The following EYS variants were observed in gnomAD, a reference collection of about 807,000 sequenced individuals.
The protein encoded by EYS is protein eyes shut homolog.
In EYS, 250 loss-of-function variants were observed where a neutral mutation model predicts 282.1. The ratio of observed to expected loss-of-function variants is 0.89; its 90% CI spans 0.80 to 0.98. EYS has a LOEUF of 0.98. Ranked by LOEUF, EYS falls within the 50% of genes least tolerant of loss-of-function variation. The pLI, the probability that EYS is intolerant of heterozygous loss-of-function variation, is 0.00. For missense variants in EYS, 4,016 were observed against 3,709.0 expected, an observed-to-expected ratio of 1.08 and a Z score of -2.15; for synonymous variants, 1,355 against 1,282.9, an observed-to-expected ratio of 1.06 and a Z score of -1.20.
intron 28 of EYS, among the ~76,000 whole-genome samples, chr6:64,432,860 T>A (rs1774618195): frequency 6.6e-6 from 1 of 152,064 alleles, no homozygotes; most frequent in South Asian, 2.1e-4. Flanking sequence ...TTTGTCCCAT[T>A]TTGACTGTCC....
chr6:64,626,005 A>G lies in EYS; in HGVS notation c.3568+116T>C, dbSNP rs575688214. The G allele has an allele frequency of 1.3e-5, 8 of 592,852 alleles. No individual in the cohort carries two copies. In the South Asian group the frequency reaches 2.2e-4, roughly 17 times the overall value. 36.7% of individuals were successfully genotyped at this position (592,852 alleles called of 1,614,324 possible). A position where few individuals can be genotyped will look rare whatever the true frequency, so the allele number is the denominator to read the frequency against. ...CTTAAAACTTGATTAGTAGTCAACA[A>G]TAGTATTGGTGGAGTGGATTGTCAA... is the stretch of plus-strand genomic sequence containing the variant. On this transcript the variant is annotated intron_variant, in intron 23 of 42. Transcript: ENST00000503581.
chr6:65,378,873 G>A (rs541173442), intron 8 of EYS, among the ~76,000 whole-genome samples: 81 of 152,050 alleles, frequency 5.3e-4, no homozygotes, highest in Middle Eastern at 3.4e-3. Flanking sequence ...ATCACACACC[G>A]GGGCCTGTCA....
chr6:63,774,701 A>T (rs572534217), intron 40 of EYS, among the ~76,000 whole-genome samples: 250 of 152,330 alleles, frequency 1.6e-3, no homozygotes, highest in Non-Finnish European at 2.6e-3. Flanking sequence ...CATGTTCTAC[A>T]TGATAAATAT....
chr6:65,313,297 G>A (rs540437866), intron 11 of EYS, among the ~76,000 whole-genome samples: 19 of 151,688 alleles, frequency 1.3e-4, no homozygotes, highest in African/African-American at 4.6e-4. Flanking sequence ...CAGCTCCCTA[G>A]TTTATATCTG....
intron 30 of EYS, among the ~76,000 whole-genome samples, chr6:64,274,489 T>TTTTTTGTTTGTTTG (rs1768047271): frequency 6.8e-6 from 1 of 146,716 alleles, no homozygotes; most frequent in African/African-American, 2.6e-5. Flanking sequence ...CCGTTTTTTT[T>TTTTTTGTTTGTTTG]TTTTTTTTTT....
At chr6:63,863,400 G>T (rs543035373) in intron 36 of EYS, among the ~76,000 whole-genome samples, 1 of 152,020 alleles carries the variant, frequency 6.6e-6, no homozygotes, top group South Asian at 2.1e-4. Flanking sequence ...CATGTCTATT[G>T]TTTATGATTT....
At chr6:64,279,160 T>C (rs570083911) in intron 30 of EYS, among the ~76,000 whole-genome samples, 1 of 152,360 alleles carries the variant, frequency 6.6e-6, no homozygotes, top group African/African-American at 2.4e-5. Context: ...AAAGTACTTA[T>C]GATTTCTTAT....
chr6:63,900,082 G>T (rs1309138692), intron 35 of EYS, among the ~76,000 whole-genome samples: 2 of 152,054 alleles, frequency 1.3e-5, no homozygotes, highest in South Asian at 4.2e-4. Flanking sequence ...GGTTTGCTTT[G>T]TACCTTCCTA....
intron 36 of EYS, chr6:63,821,579 T>C (rs1475774647): frequency 6.6e-6 from 1 of 152,166 alleles, no homozygotes; most frequent in Non-Finnish European, 1.5e-5. Flanking sequence ...CAATGACAGG[T>C]TGCTTCTTGA....
intron 14 of EYS, among the ~76,000 whole-genome samples, chr6:64,975,172 CTCTGAGAATT>C (rs1368217834): frequency 6.6e-6 from 1 of 151,708 alleles, no homozygotes; most frequent in Non-Finnish European, 1.5e-5. Flanking sequence ...CCTGATATCT[CTCTGAGAATT>C]TCTGATATTG....
At chr6:65,035,682 G>C (rs1055600916) in intron 13 of EYS, among the ~76,000 whole-genome samples, 3 of 151,612 alleles carry the variant, frequency 2.0e-5, no homozygotes, top group Non-Finnish European at 4.4e-5. Flanking sequence ...TATCAGAAAT[G>C]ACACACACAA....
intron 11 of EYS, among the ~76,000 whole-genome samples, chr6:65,323,112 AT>A (rs1361301881): frequency 1.4e-5 from 2 of 146,530 alleles, no homozygotes; most frequent in Non-Finnish European, 3.0e-5. Flanking sequence ...CTTAAAATAC[AT>A]TTTTTATTGT....
intron 14 of EYS, among the ~76,000 whole-genome samples, chr6:64,949,406 G>C (rs1769403018): frequency 6.6e-6 from 1 of 151,788 alleles, no homozygotes; most frequent in Non-Finnish European, 1.5e-5. Context: ...CTAGCTACCA[G>C]GTAAAGACTA....
At chr6:64,127,278 T>C (rs1331215964) in intron 31 of EYS, among the ~76,000 whole-genome samples, 1 of 152,172 alleles carries the variant, frequency 6.6e-6, no homozygotes, top group East Asian at 1.9e-4. Flanking sequence ...TGAACAGTAT[T>C]GTATGGGTAT....
At chr6:64,107,887 A>G (rs1379331290) in intron 31 of EYS, among the ~76,000 whole-genome samples, 1 of 152,072 alleles carries the variant, frequency 6.6e-6, no homozygotes, top group Non-Finnish European at 1.5e-5. Flanking sequence ...GGAACTTACC[A>G]GTACTTCTTA....
intron 2 of EYS, among the ~76,000 whole-genome samples, chr6:65,615,382 T>C: frequency 9.3e-6 from 1 of 107,970 alleles, no homozygotes; most frequent in East Asian, 2.5e-4. Context: ...TTCATTTTAT[T>C]TATTTATATA....
chr6:65,057,761 T>C, intron 12 of EYS, 34 bp from the exon 13 acceptor site: 1 of 1,326,760 alleles, frequency 7.5e-7, no homozygotes. Context: ...TGTTAAGTGT[T>C]AACAAGACAG....
intron 12 of EYS, among the ~76,000 whole-genome samples, chr6:65,288,484 C>G (rs1768432826): frequency 1.3e-5 from 2 of 150,378 alleles, no homozygotes; most frequent in Non-Finnish European, 3.0e-5. Context: ...TACAAGCACA[C>G]ACATGTGTAT....
intron 31 of EYS, among the ~76,000 whole-genome samples, chr6:64,101,737 C>G (rs1429320107): frequency 6.6e-6 from 1 of 151,836 alleles, no homozygotes; most frequent in Non-Finnish European, 1.5e-5. Context: ...ATGATTCAAG[C>G]CCATTACGTT....
Sources: allele counts gnomAD v4.1 joint callset (sites outside exome capture counted in the v4.1 genomes callset), GRCh38; gene constraint gnomAD v4.1.1; transcripts MANE v1.5; gene names NCBI Gene and HGNC (gene_info 2026-07-23, HGNC 2026-07-21).